HACD4: variants seen among roughly 807,000 people sequenced by gnomAD.
The protein encoded by HACD4 is very-long-chain (3R)-3-hydroxyacyl-CoA dehydratase 4.
Under a neutral mutation model 33.3 loss-of-function variants are expected in HACD4, and 35 were observed. The ratio of observed to expected loss-of-function variants is 1.05; its 90% CI spans 0.80 to 1.39. The LOEUF (loss-of-function observed/expected upper bound fraction) is 1.39. HACD4 is among the 40% of genes most tolerant of loss of function. HACD4 has a pLI of 0.00. For missense variants in HACD4, 323 were observed against 276.5 expected, an observed-to-expected ratio of 1.17 and a Z score of -1.19; for synonymous variants, 118 against 98.0, an observed-to-expected ratio of 1.20 and a Z score of -1.21.
At chr9:21,019,924 G>A (rs1284383040) in intron 3 of HACD4, among the ~76,000 whole-genome samples, 1 of 152,056 alleles carries the variant, frequency 6.6e-6, no homozygotes, top group Non-Finnish European at 1.5e-5. Flanking sequence ...AAATAAATTA[G>A]GGTAAAATCT....
intron 5 of HACD4, among the ~76,000 whole-genome samples, chr9:21,010,892 A>T (rs945210224): frequency 3.3e-5 from 5 of 152,134 alleles, no homozygotes; most frequent in African/African-American, 1.2e-4. Flanking sequence ...GTGCTCCAAT[A>T]AGAATCTGAT....
chr9:21,016,470 A>G (rs1388079082), intron 3 of HACD4, among the ~76,000 whole-genome samples: 1 of 152,208 alleles, frequency 6.6e-6, no homozygotes, highest in Non-Finnish European at 1.5e-5. Flanking sequence ...AAAGAATGCA[A>G]AGAGATTAAT....
intron 2 of HACD4, among the ~76,000 whole-genome samples, chr9:21,027,566 G>T (rs910840810): frequency 6.6e-6 from 1 of 152,166 alleles, no homozygotes; most frequent in Admixed American, 6.5e-5. Context: ...TTCAGAGATG[G>T]TTCCTGAAGT....
chr9:21,026,630 A>G lies in HACD4; in HGVS notation c.236T>C (p.Ile79Thr). Residue 79 changes from isoleucine (I) to threonine (T), a missense_variant, in exon 3 of 7, where the codon ATT becomes ACT. Physicochemically the swap from Ile to Thr is moderately conservative, Grantham distance 89. Transcript: ENST00000495827. ...CCTTGGGAGAAGATGGTTTGACTCA[A>G]TGCCAACATATATGTGCAGCAGTTC... ...LLELLHIYVG[I>T]ESNHLLPRFL... 4 of 1,613,596 alleles carry G rather than the reference A, an allele frequency of 2.5e-6. No homozygotes were observed. Among genetic ancestry groups the G allele is most frequent in the Non-Finnish European group, 3.4e-6 (4 of 1,179,566 alleles).
chr9:21,018,076 T>C (rs1443411779), intron 3 of HACD4, among the ~76,000 whole-genome samples: 1 of 152,162 alleles, frequency 6.6e-6, no homozygotes, highest in African/African-American at 2.4e-5. Context: ...GAAGACTCCC[T>C]CTATATTCGG....
At chr9:21,011,791 A>C in intron 4 of HACD4, 96 bp from the exon 5 acceptor site, 1 of 645,498 alleles carries the variant, frequency 1.5e-6, no homozygotes. Context: ...ATACAACTGG[A>C]AAGTGTACAA....
At chr9:21,018,238 T>C (rs1817812123) in intron 3 of HACD4, among the ~76,000 whole-genome samples, 1 of 152,218 alleles carries the variant, frequency 6.6e-6, no homozygotes, top group Non-Finnish European at 1.5e-5. Context: ...GTTCCAAATA[T>C]ACACCATCTC....
intron 3 of HACD4, among the ~76,000 whole-genome samples, chr9:21,020,749 T>C (rs1489777517): frequency 6.6e-6 from 1 of 152,222 alleles, no homozygotes; most frequent in African/African-American, 2.4e-5. Flanking sequence ...TATTTTCTTA[T>C]ATGATTTTTA....
intron 3 of HACD4, among the ~76,000 whole-genome samples, chr9:21,018,490 T>C (rs1023799762): frequency 1.3e-5 from 2 of 152,168 alleles, no homozygotes; most frequent in African/African-American, 4.8e-5. Flanking sequence ...TCCTTAAAAA[T>C]TAAGCCTTAA....
At chr9:21,026,490 T>G in intron 3 of HACD4, 106 bp downstream of exon 3, 1 of 880,938 alleles carries the variant, frequency 1.1e-6, no homozygotes. Flanking sequence ...ATCAGTGACC[T>G]AAGACAAGGG....
At position 21,011,570 on chromosome 9, in the gene HACD4, C is replaced by A. The variant is rs1456233209; in HGVS notation, c.490+19G>T. The A allele has an allele frequency of 3.1e-5, 44 of 1,432,768 alleles. No homozygotes were observed. The Admixed American group carries it at 7.0e-4, about 23-fold the overall frequency. 88.8% of individuals were successfully genotyped at this position (1,432,768 alleles called of 1,614,324 possible). A position where few individuals can be genotyped will look rare whatever the true frequency, so the allele number is the denominator to read the frequency against. On this transcript the variant is annotated intron_variant, in intron 5 of 6. Coordinates refer to ENST00000495827, the MANE Select transcript of HACD4 (RefSeq NM_001010915.5). ...TGGCTTTTGTCAGTAAGCAATACAG[C>A]AAGTCACTCTTTTCTTACCTTCAGC...
At position 21,008,092 on chromosome 9, in the gene HACD4, G is replaced by C. The variant is rs764760827; in HGVS notation, c.545C>G (p.Thr182Ser). Reference protein sequence around the residue: ...PYFESFGTYSTKLPFDLSIYF... With the variant: ...PYFESFGTYSSKLPFDLSIYF... ...GATGGATAAGTCAAAGGGCAGCTTG[G>C]TGGAATAAGTGCCAAATGATTCAAA... The change falls in exon 6 of 7, where the codon ACC (threonine) becomes AGC (serine). Residue 182 changes from threonine to serine, a missense_variant. Coordinates refer to ENST00000495827, the MANE Select transcript of HACD4 (RefSeq NM_001010915.5). 7 of 1,610,914 alleles carry C rather than the reference G, an allele frequency of 4.3e-6. No individual in the cohort carries two copies. In the East Asian group the frequency reaches 1.3e-4, roughly 31 times the overall value.
At chr9:21,010,930 G>A (rs2132771044) in intron 5 of HACD4, among the ~76,000 whole-genome samples, 1 of 152,276 alleles carries the variant, frequency 6.6e-6, no homozygotes, top group East Asian at 1.9e-4. Flanking sequence ...AGGAGGTAGA[G>A]CTCAGGCGAT....
At chr9:21,013,066 CAAAAAA>C (rs570206944) in intron 4 of HACD4, among the ~76,000 whole-genome samples, 1 of 69,024 alleles carries the variant, frequency 1.4e-5, no homozygotes, top group East Asian at 5.2e-4. Context: ...GACTCCATCT[CAAAAAA>C]AAAAAAAAAA....
Position 21,003,433 on chromosome 9 carries a change from G to A in HACD4, c.*3604C>T, listed in dbSNP as rs913274978. 3 of 152,014 alleles carry A rather than the reference G, an allele frequency of 2.0e-5. No individual in the cohort carries two copies. Among genetic ancestry groups the A allele is most frequent in the African/African-American group, 7.2e-5 (3 of 41,400 alleles). 9.4% of individuals were successfully genotyped at this position (152,014 alleles called of 1,614,324 possible). A position where few individuals can be genotyped will look rare whatever the true frequency, so the allele number is the denominator to read the frequency against. On this transcript the variant is annotated 3_prime_UTR_variant, in exon 7 of 7. Coordinates refer to ENST00000495827, the MANE Select transcript of HACD4 (RefSeq NM_001010915.5). ...CACCTAAAATTTGCAAAGGGTTTAT[G>A]TTCTCCTTGCACACTAAAGCTTTTC...
chr9:21,020,755 T>G (rs1009902121), intron 3 of HACD4, among the ~76,000 whole-genome samples: 12 of 152,228 alleles, frequency 7.9e-5, no homozygotes, highest in African/African-American at 2.9e-4. Flanking sequence ...CTTATATGAT[T>G]TTTATTGTCG....
intron 3 of HACD4, among the ~76,000 whole-genome samples, chr9:21,022,000 C>T (rs540025434): frequency 0.012 from 1,853 of 152,150 alleles, 33 homozygotes; most frequent in African/African-American, 0.039. Context: ...CTACAGTAAC[C>T]AAAACAGCAT....
chr9:21,030,745 G>A (rs773334355), intron 1 of HACD4, among the ~76,000 whole-genome samples: 9 of 152,198 alleles, frequency 5.9e-5, no homozygotes, highest in Non-Finnish European at 7.3e-5. Context: ...CATATCGAAA[G>A]CAGTTTAGTT....
rs554877857 is a variant in HACD4 at position 21,004,841 on chromosome 9, G to C, written c.*2196C>G. 6.6e-6 allele frequency: 1 copy of C among 152,298 alleles called. No homozygotes were observed. The highest frequency in any genetic ancestry group is 1.5e-5 in the Non-Finnish European group (1 of 68,044). The allele number at this position is 152,298 out of a possible 1,614,324, so 9.4% of individuals were successfully genotyped here. ...AAGCTGGAAGAGTTTTGAGGTACTA[G>C]AGTACCTGGAAGAGTACTGGAAGAG... On this transcript the variant is annotated 3_prime_UTR_variant, in exon 7 of 7. Coordinates refer to ENST00000495827, the MANE Select transcript of HACD4 (RefSeq NM_001010915.5). The surrounding 1 kb of genome is among the most constrained non-coding windows in gnomAD (Gnocchi z 4.6).
Sources: gnomAD v4.1 joint callset for allele counts (sites outside exome capture counted in the v4.1 genomes callset) on GRCh38, gnomAD v4.1.1 for gene constraint, Gnocchi (gnomAD v3.1) non-coding constraint, MANE v1.5 for transcripts, NCBI Gene and HGNC (gene_info 2026-07-23, HGNC 2026-07-21) for gene names.